The following OSBPL9 variants were observed in gnomAD, a reference collection of about 807,000 sequenced individuals.
The protein encoded by OSBPL9 is oxysterol binding protein like 9.
A neutral mutation model predicts 106.6 loss-of-function variants in OSBPL9; 40 were observed. The observed-to-expected ratio is 0.38, with a 90% CI of 0.29 to 0.49. The LOEUF (loss-of-function observed/expected upper bound fraction) is 0.49. Ranked by LOEUF, OSBPL9 falls within the 20% of genes least tolerant of loss-of-function variation. The pLI, the probability that OSBPL9 is intolerant of heterozygous loss-of-function variation, is 0.97. For missense variants in OSBPL9, 609 were observed against 887.2 expected (o/e 0.69, Z 3.98); for synonymous variants, 269 against 295.4 (o/e 0.91, Z 0.92).
intron 10 of OSBPL9, among the ~76,000 whole-genome samples, chr1:51,761,063 T>C (rs1233537437): frequency 6.6e-6 from 1 of 152,228 alleles, no homozygotes. Context: ...ATTCTATGAC[T>C]CAGAATTCAT....
the OSBPL9 span, among the ~76,000 whole-genome samples, chr1:51,546,854 C>A: frequency 6.6e-6 from 1 of 151,606 alleles, no homozygotes; most frequent in Admixed American, 6.6e-5. Context: ...AACATTATCA[C>A]CAAAAAAAGA....
the OSBPL9 span, among the ~76,000 whole-genome samples, chr1:51,564,360 T>C: frequency 1.4e-4 from 22 of 152,108 alleles, no homozygotes; most frequent in African/African-American, 5.3e-4. Flanking sequence ...TCATGGGCCC[T>C]TATTGTTATA....
intron 3 of OSBPL9, chr1:51,709,931 A>C (rs1659459147): frequency 6.6e-6 from 1 of 152,298 alleles, no homozygotes; most frequent in Non-Finnish European, 1.5e-5. Flanking sequence ...TTATGAGCTG[A>C]AGAAAGTCAC....
At chr1:51,748,831 A>G (rs1402021244) in intron 7 of OSBPL9, among the ~76,000 whole-genome samples, 1 of 152,118 alleles carries the variant, frequency 6.6e-6, no homozygotes, top group East Asian at 1.9e-4. Context: ...CACACCTGTA[A>G]TCCCAGCACT....
Position 51,789,118 on chromosome 1 carries a change from G to C in OSBPL9, c.*1329G>C. 1.1e-6 allele frequency: 1 copy of C among 908,598 alleles called. No homozygotes were observed. The highest frequency in any genetic ancestry group is 1.8e-6 in the Non-Finnish European group (1 of 565,688). 56.3% of individuals were successfully genotyped at this position (908,598 alleles called of 1,614,324 possible). On this transcript the variant is annotated 3_prime_UTR_variant, in exon 24 of 24. Transcript: ENST00000428468. ...GGATAAAAAGTAAATCAAATGCTATGATGCCAGTGCAAAACTTCAATGGAA... is the reference window on the plus strand; with the variant it reads ...GGATAAAAAGTAAATCAAATGCTATCATGCCAGTGCAAAACTTCAATGGAA...
chr1:51,594,634 A>G (rs930083712), intron 1 of OSBPL9, among the ~76,000 whole-genome samples: 1 of 152,192 alleles, frequency 6.6e-6, no homozygotes, highest in Non-Finnish European at 1.5e-5. Context: ...ATCTTGCAAG[A>G]TCCGTATTGT....
chr1:51,644,152 G>T (rs76191694), intron 1 of OSBPL9, among the ~76,000 whole-genome samples: 3,407 of 151,426 alleles, frequency 0.022, 76 homozygotes, highest in Middle Eastern at 0.09. Flanking sequence ...CTGGATTGGG[G>T]TGGTTGATGG....
the OSBPL9 span, among the ~76,000 whole-genome samples, chr1:51,528,621 C>A: frequency 3.9e-5 from 6 of 151,956 alleles, no homozygotes; most frequent in Admixed American, 6.6e-5. Context: ...TCTGTAACCC[C>A]AGCACTTTGG....
chr1:51,577,450 T>A (rs1269281653), intron 1 of OSBPL9, among the ~76,000 whole-genome samples: 1 of 151,852 alleles, frequency 6.6e-6, no homozygotes, highest in Admixed American at 6.6e-5. Flanking sequence ...ATTCTTTGTA[T>A]TTTTAGTAGA....
chr1:51,672,379 A>G (rs1248949973), intron 3 of OSBPL9, among the ~76,000 whole-genome samples: 1 of 152,206 alleles, frequency 6.6e-6, no homozygotes, highest in African/African-American at 2.4e-5. Flanking sequence ...TAAAATGTAC[A>G]CAATATACAG....
At chr1:51,731,300 G>A (rs891184980) in intron 4 of OSBPL9, among the ~76,000 whole-genome samples, 1 of 151,836 alleles carries the variant, frequency 6.6e-6, no homozygotes, top group Non-Finnish European at 1.5e-5. Context: ...ATTTAAAAAT[G>A]AGCTGAGCGT....
intron 2 of OSBPL9, among the ~76,000 whole-genome samples, chr1:51,664,591 C>T (rs1463324777): frequency 6.6e-6 from 1 of 152,100 alleles, no homozygotes; most frequent in African/African-American, 2.4e-5. Context: ...ACTCAAGAGG[C>T]TGAGGCACAA....
chr1:51,555,261 GC>G, the OSBPL9 span, among the ~76,000 whole-genome samples: 1 of 152,080 alleles, frequency 6.6e-6, no homozygotes, highest in Non-Finnish European at 1.5e-5. Flanking sequence ...GGAGGCCGAG[GC>G]GGGCGGATCC....
At chr1:51,533,499 A>T in the OSBPL9 span, among the ~76,000 whole-genome samples, 2 of 147,780 alleles carry the variant, frequency 1.4e-5, no homozygotes, top group African/African-American at 5.0e-5. Flanking sequence ...AAAAAAAAAA[A>T]AAAGAAAGAA....
intron 1 of OSBPL9, among the ~76,000 whole-genome samples, chr1:51,618,110 C>T (rs1644193796): frequency 6.6e-6 from 1 of 151,928 alleles, no homozygotes; most frequent in Non-Finnish European, 1.5e-5. Context: ...TTCTGCCTCT[C>T]GGGTTCAAGC....
At chr1:51,651,530 G>A (rs568011523) in intron 1 of OSBPL9, among the ~76,000 whole-genome samples, 3 of 152,144 alleles carry the variant, frequency 2.0e-5, no homozygotes, top group African/African-American at 7.2e-5. Context: ...TTGAACCCAG[G>A]AGGCGGAGGT....
rs568945593 is a variant in OSBPL9 at position 51,598,531 on chromosome 1, G to A, written c.-353+338G>A. On this transcript the variant is annotated intron_variant, in intron 2 of 25. Coordinates refer to the OSBPL9 transcript ENST00000371714. ...TGTCTCTGGCTTTGACTCATCAGAT[G>A]TAAGTAGCACTCCCCAACCCCTGAC... Among the ~76,000 whole-genome samples the A allele has an allele frequency of 7.9e-5, 12 of 152,344 alleles. No homozygotes were observed. The South Asian group carries it at 2.3e-3, about 29-fold the overall frequency.
chr1:51,730,672 G>A (rs1205547743), intron 4 of OSBPL9, among the ~76,000 whole-genome samples: 5 of 152,166 alleles, frequency 3.3e-5, no homozygotes, highest in Non-Finnish European at 7.4e-5. Flanking sequence ...TGCACTTTTT[G>A]CTGACATTCA....
the OSBPL9 span, among the ~76,000 whole-genome samples, chr1:51,535,696 A>G: frequency 6.6e-6 from 1 of 151,940 alleles, no homozygotes; most frequent in South Asian, 2.1e-4. Flanking sequence ...AGCTGGGACT[A>G]TAGGAGGATG....
Sources: allele counts gnomAD v4.1 joint callset (sites outside exome capture counted in the v4.1 genomes callset), GRCh38; gene constraint gnomAD v4.1.1; transcripts MANE v1.5; gene names NCBI Gene and HGNC (gene_info 2026-07-23, HGNC 2026-07-21).